The following AK5 variants were observed in gnomAD, a reference collection of about 807,000 sequenced individuals.
AK5 encodes adenylate kinase 5.
In AK5, 27 loss-of-function variants were observed where a neutral mutation model predicts 69.5. That is an observed-to-expected ratio of 0.39 (90% CI 0.29 to 0.54). The LOEUF is 0.54. Among genes scored for constraint, AK5 ranks in the 20% least tolerant of loss-of-function variants. The pLI is 0.71. For missense variants in AK5, 531 were observed against 700.4 expected, an observed-to-expected ratio of 0.76 and a Z score of 2.73; for synonymous variants, 260 against 244.4, an observed-to-expected ratio of 1.06 and a Z score of -0.60.
intron 8 of AK5, among the ~76,000 whole-genome samples, chr1:77,443,674 A>AGCCT (rs1553151350): frequency 7.4e-5 from 4 of 54,376 alleles, no homozygotes; most frequent in Non-Finnish European, 1.3e-4. Context: ...TACTGTGGGG[A>AGCCT]GTCTGTGTGT....
chr1:77,470,859 A>T (rs1459976692), intron 8 of AK5, among the ~76,000 whole-genome samples: 68 of 1,682 alleles, frequency 0.04, 4 homozygotes, highest in South Asian at 0.048. Flanking sequence ...ATATATATAT[A>T]TATATATATA....
chr1:77,435,796 T>A (rs547082512), intron 8 of AK5, among the ~76,000 whole-genome samples: 1 of 152,348 alleles, frequency 6.6e-6, no homozygotes, highest in East Asian at 1.9e-4. Context: ...CTTAGTTTTA[T>A]ATCTTAGTTG....
At chr1:77,379,237 C>T (rs1647455877) in intron 6 of AK5, among the ~76,000 whole-genome samples, 1 of 152,176 alleles carries the variant, frequency 6.6e-6, no homozygotes, top group Admixed American at 6.5e-5. Flanking sequence ...AGATAAATAC[C>T]TCCCTTGCGA....
intron 8 of AK5, among the ~76,000 whole-genome samples, chr1:77,467,316 G>T (rs1309756421): frequency 6.6e-6 from 1 of 152,266 alleles, no homozygotes; most frequent in Admixed American, 6.5e-5. Context: ...ATGGGTTTCT[G>T]TGAACAGACT....
chr1:77,500,394 C>T (rs1265438408), intron 10 of AK5, among the ~76,000 whole-genome samples: 1 of 151,838 alleles, frequency 6.6e-6, no homozygotes, highest in African/African-American at 2.4e-5. Context: ...AAACAGATAA[C>T]AGTTATATTG....
chr1:77,461,669 C>G (rs1250433004), intron 8 of AK5, among the ~76,000 whole-genome samples: 13 of 151,450 alleles, frequency 8.6e-5, no homozygotes, highest in African/African-American at 3.1e-4. Context: ...ACTCAGGAGG[C>G]TGAGGCAGGA....
At chr1:77,313,685 C>A in intron 5 of AK5, 1 of 432,170 alleles carries the variant, frequency 2.3e-6, no homozygotes, top group African/African-American at 2.0e-5. Context: ...CAGTTATGGC[C>A]CTCTGCTGGC....
Position 77,483,398 on chromosome 1 carries a change from T to TA in AK5, c.1102+40dup, listed in dbSNP as rs753597049. 3 of 1,541,596 alleles carry TA rather than the reference T, an allele frequency of 1.9e-6. No individual in the cohort carries two copies. The African/African-American group carries it at 4.1e-5, about 21-fold the overall frequency. On this transcript the variant is annotated intron_variant, in intron 9 of 13. Transcript: ENST00000354567. ...ACTGATCAGATCAAAGTTGTCATTT[T>TA]AGTAACTTTGACCATGCCTTTTTAA...
intron 5 of AK5, among the ~76,000 whole-genome samples, chr1:77,330,328 C>T (rs1003090484): frequency 2.6e-5 from 4 of 152,128 alleles, no homozygotes; most frequent in Non-Finnish European, 5.9e-5. Context: ...GATATAGAAA[C>T]TATTTTCTTA....
chr1:77,340,735 C>A, intron 6 of AK5, 167 bp downstream of exon 6: 2 of 437,594 alleles, frequency 4.6e-6, no homozygotes, highest in Non-Finnish European at 3.7e-6. Context: ...CCTTTTTAAG[C>A]CATCATGTTT....
intron 8 of AK5, among the ~76,000 whole-genome samples, chr1:77,428,598 T>C (rs1651371214): frequency 6.6e-6 from 1 of 151,436 alleles, no homozygotes; most frequent in South Asian, 2.1e-4. Flanking sequence ...CCAAGTTCTT[T>C]TTTTTTTAAT....
chr1:77,478,026 G>GT (rs1655053386), intron 8 of AK5, among the ~76,000 whole-genome samples: 1 of 152,180 alleles, frequency 6.6e-6, no homozygotes, highest in Non-Finnish European at 1.5e-5. Context: ...TCCAAGAGCA[G>GT]TAAGAGGATG....
intron 6 of AK5, among the ~76,000 whole-genome samples, chr1:77,397,051 T>C (rs1557559062): frequency 6.6e-6 from 1 of 152,196 alleles, no homozygotes; most frequent in East Asian, 1.9e-4. Context: ...TACCAGGTGT[T>C]AAAATCCCAA....
chr1:77,443,677 C>CTGTGTGTGTGTG (rs71244408), intron 8 of AK5, among the ~76,000 whole-genome samples: 32 of 134,116 alleles, frequency 2.4e-4, no homozygotes, highest in East Asian at 7.0e-4. Flanking sequence ...TGTGGGGAGT[C>CTGTGTGTGTGTG]TGTGTGTGTG....
intron 5 of AK5, among the ~76,000 whole-genome samples, chr1:77,319,514 T>C (rs1056118395): frequency 6.6e-6 from 1 of 151,614 alleles, no homozygotes; most frequent in African/African-American, 2.4e-5. Context: ...CATTCTTTTA[T>C]GCCAGCACAC....
At chr1:77,501,580 C>T (rs1656721862) in intron 10 of AK5, among the ~76,000 whole-genome samples, 1 of 152,128 alleles carries the variant, frequency 6.6e-6, no homozygotes, top group South Asian at 2.1e-4. Context: ...TGTATTTCAG[C>T]ATAGAAAAGA....
At chr1:77,426,784 G>A (rs996065413) in intron 8 of AK5, among the ~76,000 whole-genome samples, 1 of 152,166 alleles carries the variant, frequency 6.6e-6, no homozygotes, top group South Asian at 2.1e-4. Flanking sequence ...ATCATACAGT[G>A]TCTGCTCTCA....
At chr1:77,512,674 A>G (rs1260317708) in intron 10 of AK5, among the ~76,000 whole-genome samples, 1 of 152,190 alleles carries the variant, frequency 6.6e-6, no homozygotes, top group East Asian at 1.9e-4. Context: ...GTATATACCC[A>G]AAGGACTATA....
At chr1:77,290,274 C>G (rs1658614013) in intron 2 of AK5, among the ~76,000 whole-genome samples, 1 of 152,122 alleles carries the variant, frequency 6.6e-6, no homozygotes. Context: ...TTCATTTGTG[C>G]TTTGAAGGTT....
Sources: allele counts gnomAD v4.1 joint callset (sites outside exome capture counted in the v4.1 genomes callset), GRCh38; gene constraint gnomAD v4.1.1; transcripts MANE v1.5; gene names NCBI Gene and HGNC (gene_info 2026-07-23, HGNC 2026-07-21).